The following TTC23L variants were observed in gnomAD, a reference collection of about 807,000 sequenced individuals.
TTC23L encodes the protein tetratricopeptide repeat domain 23 like, also known as tetratricopeptide repeat protein 23-like.
TTC23L carries 42 observed loss-of-function variants against 48.1 expected under a neutral mutation model. The ratio of observed to expected loss-of-function variants is 0.87; its 90% CI spans 0.68 to 1.13. TTC23L has a LOEUF of 1.13. Ranked by LOEUF, TTC23L falls within the 50% of genes most tolerant of loss-of-function variation. The probability of loss-of-function intolerance (pLI) is 0.00; values close to 1 mark genes in which losing one functional copy is unlikely to be tolerated. For missense variants in TTC23L, 391 were observed against 421.0 expected, an observed-to-expected ratio of 0.93 and a Z score of 0.62; for synonymous variants, 159 against 157.2, an observed-to-expected ratio of 1.01 and a Z score of -0.09.
At chr5:34,869,411 G>C (rs1032126803) in intron 8 of TTC23L, 12 of 167,330 alleles carry the variant, frequency 7.2e-5, no homozygotes, top group Non-Finnish European at 1.2e-4. Context: ...TGACAAGAGA[G>C]AATGTTTGTT....
At chr5:34,881,598 A>C (rs1195017386) in intron 9 of TTC23L, among the ~76,000 whole-genome samples, 1 of 152,180 alleles carries the variant, frequency 6.6e-6, no homozygotes, top group Non-Finnish European at 1.5e-5. Flanking sequence ...GTAAAAATTT[A>C]TTTCCAGGAA....
At chr5:34,840,576 AGTTTAAT>A in intron 1 of TTC23L, 82 bp from the exon 2 acceptor site, 1 of 1,086,714 alleles carries the variant, frequency 9.2e-7, no homozygotes, top group African/African-American at 1.6e-5. Context: ...GAGCAGTTTT[AGTTTAAT>A]GTTAATAGCA....
At chr5:34,899,765 G>A (rs1238728526), downstream of TTC23L, among the ~76,000 whole-genome samples, 3 of 152,166 alleles carry the variant, frequency 2.0e-5, no homozygotes, top group African/African-American at 7.2e-5. Context: ...GGTGACACAT[G>A]CCTGTAAACC....
chr5:34,919,997 C>G, the TTC23L span: 1 of 523,722 alleles, frequency 1.9e-6, no homozygotes, highest in Non-Finnish European at 3.5e-6. Context: ...TATTCAGACA[C>G]ATTTTATTAA....
At chr5:34,840,608 A>C in intron 1 of TTC23L, 57 bp from the exon 2 acceptor site, 1 of 1,475,310 alleles carries the variant, frequency 6.8e-7, no homozygotes, top group Non-Finnish European at 9.5e-7. Context: ...AGAGGGGGAA[A>C]ATAGAACAGA....
intron 4 of TTC23L, among the ~76,000 whole-genome samples, chr5:34,855,177 C>CCATGGTG: frequency 5.6e-5 from 4 of 71,348 alleles, no homozygotes; most frequent in Middle Eastern, 7.8e-3. Flanking sequence ...ATTGGGCAGG[C>CCATGGTG]TAAGGTTAGG....
intron 4 of TTC23L, among the ~76,000 whole-genome samples, chr5:34,853,844 G>A (rs1344211560): frequency 6.6e-6 from 1 of 152,178 alleles, no homozygotes; most frequent in Non-Finnish European, 1.5e-5. Flanking sequence ...CAGATTCACA[G>A]AGACTAGCTA....
At chr5:34,852,059 T>C (rs147259485) in intron 4 of TTC23L, among the ~76,000 whole-genome samples, 259 of 152,290 alleles carry the variant, frequency 1.7e-3, no homozygotes, top group African/African-American at 6.0e-3. Flanking sequence ...TTTATATTTT[T>C]ATTTTTGTAG....
chr5:34,901,225 A>C (rs538256032), downstream of TTC23L, among the ~76,000 whole-genome samples: 1 of 145,618 alleles, frequency 6.9e-6, no homozygotes, highest in East Asian at 2.0e-4. Flanking sequence ...AAAAAACTCC[A>C]AAAAAAAAAA....
intron 4 of TTC23L, among the ~76,000 whole-genome samples, chr5:34,855,019 G>C (rs900715460): frequency 3.3e-5 from 5 of 152,180 alleles, no homozygotes; most frequent in Admixed American, 2.6e-4. Flanking sequence ...TTGGGTAGGT[G>C]GAAGAAGGGG....
the TTC23L span, chr5:34,916,081 C>A: frequency 1.6e-6 from 1 of 632,716 alleles, no homozygotes. Context: ...GTGCACGTGG[C>A]CGTCTTCCTG....
rs1185964563 is a variant in TTC23L at position 34,863,486 on chromosome 5, G to C, written c.536+432G>C. 6.6e-6 allele frequency among the ~76,000 whole-genome samples: 1 copy of C among 152,172 alleles called. No homozygotes were observed. The highest frequency in any genetic ancestry group is 1.5e-5 in the Non-Finnish European group (1 of 68,024). Reference sequence around the variant, plus strand: ...CTGGGGAGCTTTAAGAATTTCTGCTGTCTGTTCCTGCCCCAAAGATTTTGA... The same window carrying C: ...CTGGGGAGCTTTAAGAATTTCTGCTCTCTGTTCCTGCCCCAAAGATTTTGA... On this transcript the variant is annotated intron_variant, in intron 5 of 10. Coordinates refer to ENST00000505624, the Ensembl canonical transcript of TTC23L. This position sits in a 1 kb window ranked among gnomAD's most constrained non-coding sequence, Gnocchi z 4.1.
At chr5:34,908,815 C>G in the TTC23L span, 64 of 1,612,324 alleles carry the variant, frequency 4.0e-5, 1 homozygote, top group Admixed American at 6.9e-4. Context: ...TAATATTCCA[C>G]AAAACATATT....
intron 4 of TTC23L, among the ~76,000 whole-genome samples, chr5:34,861,684 A>G (rs1489670463): frequency 6.6e-6 from 1 of 152,166 alleles, no homozygotes; most frequent in Non-Finnish European, 1.5e-5. Flanking sequence ...CCTTATTGCC[A>G]TTGACTTGCA....
intron 8 of TTC23L, among the ~76,000 whole-genome samples, chr5:34,878,574 G>A (rs948307086): frequency 6.6e-6 from 1 of 152,132 alleles, no homozygotes; most frequent in Admixed American, 6.5e-5. Context: ...AAAGTTGGAG[G>A]ACTAACACTA....
chr5:34,868,185 G>A (rs1386893160), intron 7 of TTC23L: 1 of 152,176 alleles, frequency 6.6e-6, no homozygotes, highest in Non-Finnish European at 1.5e-5. Context: ...AAATAGTAAA[G>A]CAGGGATTTG....
intron 8 of TTC23L, among the ~76,000 whole-genome samples, chr5:34,872,193 TAGG>T (rs975999770): frequency 6.6e-6 from 1 of 151,268 alleles, no homozygotes; most frequent in Admixed American, 6.6e-5. Context: ...GAGGCTGAAA[TAGG>T]AGGATTGCTT....
intron 4 of TTC23L, among the ~76,000 whole-genome samples, chr5:34,855,764 G>T (rs1561128240): frequency 6.6e-6 from 1 of 152,124 alleles, no homozygotes; most frequent in Non-Finnish European, 1.5e-5. Context: ...AATGCAGTAT[G>T]GTGTTTATAA....
intron 4 of TTC23L, among the ~76,000 whole-genome samples, chr5:34,854,337 C>T (rs561420417): frequency 6.6e-6 from 1 of 152,274 alleles, no homozygotes; most frequent in African/African-American, 2.4e-5. Context: ...TTTTCTGATA[C>T]CAGCCTAGAT....
Sources: gnomAD v4.1 joint callset for allele counts (sites outside exome capture counted in the v4.1 genomes callset) on GRCh38, gnomAD v4.1.1 for gene constraint, Gnocchi (gnomAD v3.1) non-coding constraint, MANE v1.5 for transcripts, NCBI Gene and HGNC (gene_info 2026-07-23, HGNC 2026-07-21) for gene names.